VWA5B1: variants seen among roughly 807,000 people sequenced by gnomAD.
VWA5B1 encodes the protein von Willebrand factor A domain containing 5B1.
A neutral mutation model predicts 118.2 loss-of-function variants in VWA5B1; 115 were observed. That is an observed-to-expected ratio of 0.97 (90% confidence interval 0.84 to 1.14). The LOEUF (loss-of-function observed/expected upper bound fraction) is 1.14. VWA5B1 is among the 50% of genes most tolerant of loss of function. VWA5B1 has a pLI of 0.00. For missense variants in VWA5B1, 1,596 were observed against 1,603.8 expected (o/e 1.00, Z 0.08); for synonymous variants, 682 against 658.4 (o/e 1.04, Z -0.55).
Position 20,323,544 on chromosome 1 carries a change from G to A in VWA5B1, c.1143+12G>A. 1 of 1,401,612 alleles carries A rather than the reference G, an allele frequency of 7.1e-7. No individual in the cohort carries two copies. Among genetic ancestry groups the A allele is most frequent in the East Asian group, 2.9e-5 (1 of 34,206 alleles). 86.8% of individuals were successfully genotyped at this position (1,401,612 alleles called of 1,614,324 possible). ...TGCACCGAGTCAAGGTACCTGCTGAGAGAACCCCTCCCGAGGACCCGGGGC... is the reference window on the plus strand; with the variant it reads ...TGCACCGAGTCAAGGTACCTGCTGAAAGAACCCCTCCCGAGGACCCGGGGC... On this transcript the variant is annotated intron_variant, in intron 8 of 21. Transcript: ENST00000289815.
intron 7 of VWA5B1, chr1:20,323,142 C>G: frequency 2.6e-6 from 1 of 390,864 alleles, no homozygotes; most frequent in Non-Finnish European, 4.5e-6. Flanking sequence ...AGCTGGGATT[C>G]AAACCCAAGT....
At chr1:20,331,098 C>A in intron 11 of VWA5B1, 115 bp downstream of exon 11, 1 of 801,032 alleles carries the variant, frequency 1.2e-6, no homozygotes, top group Non-Finnish European at 2.0e-6. Flanking sequence ...GAGCTCTTCA[C>A]TAGGCCACAC....
intron 1 of VWA5B1, among the ~76,000 whole-genome samples, chr1:20,303,576 G>T (rs1055284431): frequency 6.6e-6 from 1 of 152,172 alleles, no homozygotes; most frequent in Non-Finnish European, 1.5e-5. Context: ...TACGCAAAAT[G>T]TGAGTGGCAG....
intron 8 of VWA5B1, among the ~76,000 whole-genome samples, chr1:20,327,670 G>A (rs1156574661): frequency 2.0e-5 from 3 of 149,612 alleles, no homozygotes; most frequent in Non-Finnish European, 3.0e-5. Flanking sequence ...GATGATGGTG[G>A]TGGTGGTGGT....
intron 1 of VWA5B1, among the ~76,000 whole-genome samples, chr1:20,306,834 A>G (rs1239974323): frequency 1.3e-5 from 2 of 152,200 alleles, no homozygotes; most frequent in Non-Finnish European, 2.9e-5. Context: ...TCATCAGGAA[A>G]ACACAGTCCA....
In VWA5B1 at chr1:20,312,918, G is replaced by T; in HGVS notation, c.222G>T (p.Gln74His). 6.4e-7 allele frequency: 1 copy of T among 1,551,710 alleles called. No individual in the cohort carries two copies. The highest frequency in any genetic ancestry group is 1.2e-5 in the South Asian group (1 of 84,062). ...AVIADRVVTV[Q>H]IKDKAKLESG... The stretch of plus-strand genomic sequence containing the variant: ...TTGCCGACCGTGTCGTGACAGTACA[G>T]ATCAAGGACAAAGCCAAGCTGGAGA... Residue 74 changes from glutamine (Q) to histidine (H), a missense_variant, in exon 3 of 22, where the codon CAG becomes CAT. Transcript: ENST00000289815.
At chr1:20,308,708 AAGCCCAGAGCTGTCTGGGCCTG>A (rs1274975878) in intron 1 of VWA5B1, among the ~76,000 whole-genome samples, 2 of 152,152 alleles carry the variant, frequency 1.3e-5, no homozygotes, top group South Asian at 2.1e-4. Context: ...AACAGGAGAT[AAGCCCAGAGCTGTCTGGGCCTG>A]AGCCCAGAGG....
At chr1:20,311,477 G>A (rs900580773) in intron 2 of VWA5B1, among the ~76,000 whole-genome samples, 2 of 152,216 alleles carry the variant, frequency 1.3e-5, no homozygotes, top group African/African-American at 4.8e-5. Flanking sequence ...CAGATGCCCT[G>A]GATTGTGGCG....
At position 20,354,065 on chromosome 1, in the gene VWA5B1, G is replaced by T; in HGVS notation, c.3450G>T (p.Glu1150Asp). The change falls in exon 22 of 22, where the codon GAG becomes GAT. Residue 1150 changes from glutamate to aspartate, a missense_variant. Transcript: ENST00000289815. ...WATVVGLAWL[E>D]HSSASYFTEW... Reference sequence around the variant, plus strand: ...CGGTGGTGGGGCTGGCATGGCTGGAGCACAGTTCGGCCTCCTACTTCACTG... The same window carrying T: ...CGGTGGTGGGGCTGGCATGGCTGGATCACAGTTCGGCCTCCTACTTCACTG... 1.3e-6 allele frequency: 2 copies of T among 1,551,556 alleles called. No homozygotes were observed. Among genetic ancestry groups the T allele is most frequent in the Non-Finnish European group, 1.7e-6 (2 of 1,146,980 alleles).
At chr1:20,336,934 C>T (rs2089734973) in intron 13 of VWA5B1, among the ~76,000 whole-genome samples, 1 of 152,038 alleles carries the variant, frequency 6.6e-6, no homozygotes, top group Non-Finnish European at 1.5e-5. Context: ...ATGGGAATCC[C>T]AGGAGAAATG....
chr1:20,308,089 T>C (rs957001387), intron 1 of VWA5B1, among the ~76,000 whole-genome samples: 1 of 152,166 alleles, frequency 6.6e-6, no homozygotes, highest in Non-Finnish European at 1.5e-5. Flanking sequence ...TCCATGAGTA[T>C]ACAAAGTTAA....
At chr1:20,337,252 C>G (rs1039868370) in intron 13 of VWA5B1, among the ~76,000 whole-genome samples, 1 of 152,090 alleles carries the variant, frequency 6.6e-6, no homozygotes, top group Admixed American at 6.5e-5. Context: ...CTCAGCCTCC[C>G]GAATAGCTGG....
At chr1:20,340,624 T>C (rs1043577481) in intron 14 of VWA5B1, among the ~76,000 whole-genome samples, 1 of 152,254 alleles carries the variant, frequency 6.6e-6, no homozygotes, top group Admixed American at 6.5e-5. Context: ...CCCCTCCCCC[T>C]ACCAGGGGAT....
At chr1:20,318,769 G>A (rs2089111572) in intron 6 of VWA5B1, 48 bp downstream of exon 6, 1 of 1,443,184 alleles carries the variant, frequency 6.9e-7, no homozygotes, top group Non-Finnish European at 9.1e-7. Flanking sequence ...GGAGGGAGGA[G>A]GTGCTGATCC....
Position 20,352,135 on chromosome 1 carries a change from C to T in VWA5B1, c.3104C>T (p.Ser1035Leu), listed in dbSNP as rs1262469930. Residue 1035 changes from serine to leucine, a missense_variant, in exon 21 of 22, where the codon TCG becomes TTG. Ser to Leu is a moderately radical substitution (Grantham distance 145). Transcript: ENST00000289815. ...LSKPLIKAVE[S>L]TSGNQSFDYI... ...AAGCCACTGATCAAAGCTGTGGAGTCGACCTCCGGGAACCAGAGCTTCGAC... is the reference window on the plus strand; with the variant it reads ...AAGCCACTGATCAAAGCTGTGGAGTTGACCTCCGGGAACCAGAGCTTCGAC... 9.0e-6 allele frequency: 14 copies of T among 1,551,220 alleles called. No homozygotes were observed. The highest frequency in any genetic ancestry group is 2.4e-5 in the East Asian group (1 of 40,914).
intron 2 of VWA5B1, 128 bp from the exon 3 acceptor site, chr1:20,312,708 C>G: frequency 7.7e-7 from 1 of 1,296,490 alleles, no homozygotes; most frequent in Non-Finnish European, 1.0e-6. Flanking sequence ...CTGCCGAGGC[C>G]TCTCGGCATC....
At chr1:20,326,454 T>TG (rs1429612358) in intron 8 of VWA5B1, among the ~76,000 whole-genome samples, 2 of 151,920 alleles carry the variant, frequency 1.3e-5, no homozygotes, top group Non-Finnish European at 2.9e-5. Context: ...CTCAGAACTG[T>TG]GGGGTTTTTT....
In VWA5B1 at chr1:20,312,727, G is replaced by A. The variant is rs886203080; in HGVS notation, c.140-109G>A. ...CGAGGCCTCTCGGCATCCAATAAGC[G>A]GCAGTGGGCACCACCCAACAGGCAG... On this transcript the variant is annotated intron_variant, in intron 2 of 21. Coordinates refer to ENST00000289815, the MANE Select transcript of VWA5B1 (RefSeq NM_001039500.3). 88 of 1,357,092 alleles carry A rather than the reference G, an allele frequency of 6.5e-5. No homozygotes were observed. The African/African-American group carries it at 1.1e-3, about 17-fold the overall frequency. 84.1% of individuals were successfully genotyped at this position (1,357,092 alleles called of 1,614,324 possible).
chr1:20,311,326 C>T (rs2088842168), intron 2 of VWA5B1, among the ~76,000 whole-genome samples: 1 of 152,342 alleles, frequency 6.6e-6, no homozygotes, highest in African/African-American at 2.4e-5. Flanking sequence ...CAGTCCCACA[C>T]TTTCTCCAGG....
Sources: allele counts gnomAD v4.1 joint callset (sites outside exome capture counted in the v4.1 genomes callset), GRCh38; gene constraint gnomAD v4.1.1; transcripts MANE v1.5; gene names NCBI Gene and HGNC (gene_info 2026-07-23, HGNC 2026-07-21).